DAB1: variants seen among roughly 807,000 people sequenced by gnomAD.
The protein encoded by DAB1 is disabled homolog 1.
DAB1 carries 15 observed loss-of-function variants against 64.6 expected under a neutral mutation model. The ratio of observed to expected loss-of-function variants is 0.23; its 90% CI spans 0.16 to 0.36. DAB1 has a LOEUF of 0.36. Among genes scored for constraint, DAB1 ranks in the 10% least tolerant of loss-of-function variants. The probability of loss-of-function intolerance (pLI) is 1.00; values close to 1 mark genes in which losing one functional copy is unlikely to be tolerated. For missense variants in DAB1, 596 were observed against 706.7 expected, an observed-to-expected ratio of 0.84 and a Z score of 1.78; for synonymous variants, 235 against 251.9, an observed-to-expected ratio of 0.93 and a Z score of 0.64.
chr1:57,039,652 C>T (rs751443061), intron 9 of DAB1, among the ~76,000 whole-genome samples: 3 of 152,180 alleles, frequency 2.0e-5, no homozygotes, highest in Non-Finnish European at 2.9e-5. Flanking sequence ...TCTTCCTATC[C>T]ATCCCTTATA....
chr1:57,879,759 A>C (rs950152949), intron 1 of DAB1, among the ~76,000 whole-genome samples: 48 of 152,244 alleles, frequency 3.2e-4, no homozygotes, highest in African/African-American at 1.0e-3. Context: ...CTGCCATTTG[A>C]AGAGGATCCT....
intron 5 of DAB1, among the ~76,000 whole-genome samples, chr1:58,108,604 C>T (rs1299825314): frequency 1.3e-5 from 2 of 152,110 alleles, no homozygotes; most frequent in Non-Finnish European, 2.9e-5. Context: ...GAGATGGTGC[C>T]CGGGAATATG....
At chr1:57,347,201 G>A (rs1462996419) in intron 1 of DAB1, among the ~76,000 whole-genome samples, 1 of 152,192 alleles carries the variant, frequency 6.6e-6, no homozygotes, top group Non-Finnish European at 1.5e-5. Flanking sequence ...CAGCAGGGCA[G>A]TGGCAAAGTC....
At chr1:57,787,011 GA>G (rs1650368365) in intron 6 of DAB1, among the ~76,000 whole-genome samples, 1 of 151,948 alleles carries the variant, frequency 6.6e-6, no homozygotes, top group Admixed American at 6.6e-5. Context: ...AGAGAATTCA[GA>G]AAAGACCTAA....
At chr1:57,234,909 G>A (rs1200936398) in intron 2 of DAB1, among the ~76,000 whole-genome samples, 1 of 152,148 alleles carries the variant, frequency 6.6e-6, no homozygotes, top group Non-Finnish European at 1.5e-5. Flanking sequence ...ACCAGCAACA[G>A]CACATTGAAT....
chr1:58,379,024 C>T lies in DAB1; in HGVS notation n.258-35621G>A, dbSNP rs991582733. Among the ~76,000 whole-genome samples the T allele has an allele frequency of 6.0e-5, 9 of 150,960 alleles. No individual in the cohort carries two copies. In the South Asian group the frequency reaches 6.4e-4, roughly 11 times the overall value. ...GCGCTTCCCAGGTGAGGCAATGCCT[C>T]GCCCTGCTTCGGCTCGCGCATGGTG... On this transcript the variant is annotated intron_variant and non_coding_transcript_variant, in intron 3 of 20. Transcript: ENST00000485760.
intron 6 of DAB1, among the ~76,000 whole-genome samples, chr1:57,649,890 A>G (rs1010672637): frequency 6.6e-6 from 1 of 152,246 alleles, no homozygotes; most frequent in Non-Finnish European, 1.5e-5. Context: ...CTCTTAGAAG[A>G]GAATCAGGAT....
At chr1:58,199,679 G>C (rs1657893288) in intron 4 of DAB1, among the ~76,000 whole-genome samples, 1 of 152,072 alleles carries the variant, frequency 6.6e-6, no homozygotes, top group African/African-American at 2.4e-5. Flanking sequence ...TTATCAAGAA[G>C]GAACTTACTG....
intron 5 of DAB1, among the ~76,000 whole-genome samples, chr1:58,060,461 C>T (rs767233212): frequency 6.6e-6 from 1 of 152,180 alleles, no homozygotes; most frequent in Non-Finnish European, 1.5e-5. Flanking sequence ...TTGGAAAACT[C>T]GCCTCACATT....
intron 6 of DAB1, among the ~76,000 whole-genome samples, chr1:57,668,064 G>C (rs1646469795): frequency 6.6e-6 from 1 of 151,924 alleles, no homozygotes; most frequent in Non-Finnish European, 1.5e-5. Context: ...AATATGGCTA[G>C]TGTGGCTGAG....
chr1:57,757,201 T>A (rs564424389), intron 6 of DAB1, among the ~76,000 whole-genome samples: 2,594 of 86,026 alleles, frequency 0.03, 48 homozygotes, highest in Non-Finnish European at 0.041. Flanking sequence ...GGGCAGAATT[T>A]TTTTTTTTTT....
At chr1:57,603,308 A>T (rs1045291849) in intron 7 of DAB1, among the ~76,000 whole-genome samples, 3 of 152,106 alleles carry the variant, frequency 2.0e-5, no homozygotes, top group African/African-American at 7.2e-5. Context: ...TCAGTAAGGG[A>T]TCCTCTCTAT....
intron 2 of DAB1, among the ~76,000 whole-genome samples, chr1:57,248,263 T>A (rs541706621): frequency 2.0e-3 from 291 of 146,172 alleles, no homozygotes; most frequent in South Asian, 7.6e-3. Flanking sequence ...TTGTTTTTTT[T>A]AAAAAAATAC....
intron 2 of DAB1, among the ~76,000 whole-genome samples, chr1:57,219,684 C>G (rs1454811294): frequency 6.6e-6 from 1 of 152,150 alleles, no homozygotes; most frequent in East Asian, 1.9e-4. Flanking sequence ...GACCCTGTGG[C>G]AGAGAATTTG....
At chr1:58,424,505 G>C (rs1235307712) in intron 3 of DAB1, among the ~76,000 whole-genome samples, 1 of 152,176 alleles carries the variant, frequency 6.6e-6, no homozygotes, top group Admixed American at 6.5e-5. Flanking sequence ...CTCCCACATA[G>C]TGCAATCCTC....
intron 4 of DAB1, among the ~76,000 whole-genome samples, chr1:58,151,597 T>C (rs2806399): frequency 0.21 from 31,538 of 152,110 alleles, 3,730 homozygotes; most frequent in East Asian, 0.42. Flanking sequence ...TGAAATTGCA[T>C]AGAAGGCTAT....
chr1:57,114,103 A>G (rs1021721486), intron 4 of DAB1, among the ~76,000 whole-genome samples: 1 of 152,062 alleles, frequency 6.6e-6, no homozygotes, highest in African/African-American at 2.4e-5. Flanking sequence ...CAAAATATGA[A>G]TGTAGAACTG....
At chr1:57,086,336 G>C (rs1017774981) in intron 4 of DAB1, among the ~76,000 whole-genome samples, 1 of 152,122 alleles carries the variant, frequency 6.6e-6, no homozygotes, top group Non-Finnish European at 1.5e-5. Context: ...GGGATGCTCA[G>C]CTGAAGCATC....
chr1:57,444,998 C>T (rs148074067), intron 7 of DAB1, among the ~76,000 whole-genome samples: 1 of 152,262 alleles, frequency 6.6e-6, no homozygotes, highest in African/African-American at 2.4e-5. Flanking sequence ...AAGTTGTATA[C>T]ATTCATCATT....
Sources: allele counts gnomAD v4.1 joint callset (sites outside exome capture counted in the v4.1 genomes callset), GRCh38; gene constraint gnomAD v4.1.1; transcripts MANE v1.5; gene names NCBI Gene and HGNC (gene_info 2026-07-23, HGNC 2026-07-21).